ST6GALNAC3: variants seen among roughly 807,000 people sequenced by gnomAD.
The protein encoded by ST6GALNAC3 is ST6 N-acetylgalactosaminide alpha-2,6-sialyltransferase 3, also known as alpha-N-acetylgalactosaminide alpha-2,6-sialyltransferase 3.
ST6GALNAC3 carries 25 observed loss-of-function variants against 32.7 expected under a neutral mutation model. That is an observed-to-expected ratio of 0.76 (90% CI 0.56 to 1.07). ST6GALNAC3 has a LOEUF of 1.07. Ranked by LOEUF, ST6GALNAC3 falls within the 50% of genes least tolerant of loss-of-function variation. ST6GALNAC3 has a pLI of 0.00. For synonymous variants in ST6GALNAC3, 129 were observed against 133.1 expected (o/e 0.97, Z 0.21); for missense variants, 355 against 382.4 (o/e 0.93, Z 0.60).
intron 2 of ST6GALNAC3, among the ~76,000 whole-genome samples, chr1:76,355,259 AT>A (rs1424271853): frequency 6.6e-6 from 1 of 152,176 alleles, no homozygotes; most frequent in African/African-American, 2.4e-5. Flanking sequence ...AAAACATTTT[AT>A]TTATTTTTCT....
intron 1 of ST6GALNAC3, among the ~76,000 whole-genome samples, chr1:76,207,623 G>A (rs1283511281): frequency 6.6e-6 from 1 of 152,132 alleles, no homozygotes; most frequent in Admixed American, 6.5e-5. Flanking sequence ...AGCCCACACC[G>A]GTGATCATGG....
At chr1:76,368,287 C>T (rs1013533427) in intron 2 of ST6GALNAC3, among the ~76,000 whole-genome samples, 16 of 152,156 alleles carry the variant, frequency 1.1e-4, no homozygotes, top group African/African-American at 3.9e-4. Flanking sequence ...ATGCAGTGGT[C>T]CCAGGCCATA....
intron 1 of ST6GALNAC3, among the ~76,000 whole-genome samples, chr1:76,156,631 GT>G (rs1350641284): frequency 6.6e-6 from 1 of 151,760 alleles, no homozygotes; most frequent in Admixed American, 6.6e-5. Flanking sequence ...TGTTTTTGAG[GT>G]GTTTCTTTCT....
At chr1:76,082,184 T>A (rs1173067134) in intron 1 of ST6GALNAC3, among the ~76,000 whole-genome samples, 10 of 152,228 alleles carry the variant, frequency 6.6e-5, no homozygotes, top group Admixed American at 6.5e-4. Flanking sequence ...GGCTGGGAGT[T>A]GAATGAGGTT....
chr1:76,444,415 A>G (rs1481358608), intron 3 of ST6GALNAC3, among the ~76,000 whole-genome samples: 1 of 152,216 alleles, frequency 6.6e-6, no homozygotes, highest in African/African-American at 2.4e-5. Context: ...TGTGCTAGCC[A>G]CAGAGTACAG....
intron 3 of ST6GALNAC3, among the ~76,000 whole-genome samples, chr1:76,442,701 C>T (rs906021841): frequency 2.0e-5 from 3 of 152,228 alleles, no homozygotes; most frequent in African/African-American, 7.2e-5. Context: ...ACTCATACCA[C>T]TGAACAACAA....
intron 2 of ST6GALNAC3, among the ~76,000 whole-genome samples, chr1:76,371,374 G>C (rs778019576): frequency 2.0e-5 from 3 of 152,136 alleles, no homozygotes; most frequent in Admixed American, 6.5e-5. Flanking sequence ...CTTCCCCAAG[G>C]AAGTGACACA....
At chr1:76,454,585 TG>T (rs1457719628) in intron 3 of ST6GALNAC3, among the ~76,000 whole-genome samples, 1 of 152,196 alleles carries the variant, frequency 6.6e-6, no homozygotes, top group East Asian at 1.9e-4. Flanking sequence ...ATAGTTGTTT[TG>T]TTTAAGGAGA....
chr1:76,100,722 T>C (rs1647204099), intron 1 of ST6GALNAC3, among the ~76,000 whole-genome samples: 2 of 152,238 alleles, frequency 1.3e-5, no homozygotes, highest in South Asian at 4.1e-4. Context: ...TCTTATTGTT[T>C]GGAGGTATTT....
intron 3 of ST6GALNAC3, among the ~76,000 whole-genome samples, chr1:76,555,746 A>G (rs1664878041): frequency 6.6e-6 from 1 of 152,160 alleles, no homozygotes; most frequent in South Asian, 2.1e-4. Flanking sequence ...TGGGTCAGGA[A>G]AATTTGAAGA....
At chr1:76,345,693 G>C (rs1372483214) in intron 2 of ST6GALNAC3, among the ~76,000 whole-genome samples, 2 of 152,032 alleles carry the variant, frequency 1.3e-5, no homozygotes, top group African/African-American at 4.8e-5. Flanking sequence ...AAATTCTTCA[G>C]TCACCTCTCA....
chr1:76,294,658 A>C (rs937192283), intron 1 of ST6GALNAC3, among the ~76,000 whole-genome samples: 1 of 152,028 alleles, frequency 6.6e-6, no homozygotes, highest in African/African-American at 2.4e-5. Context: ...AGTCAAGCAG[A>C]AAAGACACTC....
intron 3 of ST6GALNAC3, among the ~76,000 whole-genome samples, chr1:76,578,191 A>G (rs765994150): frequency 7.2e-5 from 11 of 152,044 alleles, no homozygotes; most frequent in Non-Finnish European, 1.3e-4. Flanking sequence ...ATCTAATCAC[A>G]TTTGCCAACC....
At chr1:76,526,873 A>G (rs1004972126) in intron 3 of ST6GALNAC3, among the ~76,000 whole-genome samples, 4 of 152,122 alleles carry the variant, frequency 2.6e-5, no homozygotes, top group African/African-American at 9.7e-5. Flanking sequence ...TTTAATAGAC[A>G]TGATAACAAA....
At chr1:76,528,602 C>T (rs370932524) in intron 3 of ST6GALNAC3, among the ~76,000 whole-genome samples, 24 of 151,958 alleles carry the variant, frequency 1.6e-4, no homozygotes, top group East Asian at 5.8e-4. Context: ...TAGCTTCTAA[C>T]TGTTTTTGAA....
chr1:76,489,848 G>A (rs1660378274), intron 3 of ST6GALNAC3, among the ~76,000 whole-genome samples: 1 of 152,090 alleles, frequency 6.6e-6, no homozygotes, highest in African/African-American at 2.4e-5. Flanking sequence ...TCTGAGCCTG[G>A]CGTATAGTTC....
intron 2 of ST6GALNAC3, among the ~76,000 whole-genome samples, chr1:76,346,261 C>T (rs1648502568): frequency 6.6e-6 from 1 of 152,080 alleles, no homozygotes; most frequent in Admixed American, 6.6e-5. Context: ...AAGCTCACAC[C>T]AGGTAAGTAA....
At chr1:76,165,114 C>T (rs1261909445) in intron 1 of ST6GALNAC3, among the ~76,000 whole-genome samples, 1 of 152,086 alleles carries the variant, frequency 6.6e-6, no homozygotes, top group Non-Finnish European at 1.5e-5. Context: ...GTTTTGTTGA[C>T]CAGGTATTAA....
chr1:76,205,239 C>T (rs1348749124), intron 1 of ST6GALNAC3, among the ~76,000 whole-genome samples: 1 of 151,670 alleles, frequency 6.6e-6, no homozygotes, highest in Non-Finnish European at 1.5e-5. Context: ...GTGATTTTCT[C>T]CCTGAGTGAA....
Sources: gnomAD v4.1 joint callset for allele counts (sites outside exome capture counted in the v4.1 genomes callset) on GRCh38, gnomAD v4.1.1 for gene constraint, MANE v1.5 for transcripts, NCBI Gene and HGNC (gene_info 2026-07-23, HGNC 2026-07-21) for gene names.